The following ABTB2 variants were observed in gnomAD, a reference collection of about 807,000 sequenced individuals.
ABTB2 encodes the protein ankyrin repeat and BTB/POZ domain-containing protein 2.
In ABTB2, 56 loss-of-function variants were observed where a neutral mutation model predicts 104.1. That is an observed-to-expected ratio of 0.54 (90% CI 0.43 to 0.67). The LOEUF (loss-of-function observed/expected upper bound fraction) is 0.67. Ranked by LOEUF, ABTB2 falls within the 30% of genes least tolerant of loss-of-function variation. ABTB2 has a pLI of 0.00. For missense variants in ABTB2, 1,279 were observed against 1,407.7 expected (o/e 0.91, Z 1.46); for synonymous variants, 606 against 608.2 (o/e 1.00, Z 0.05).
intron 1 of ABTB2, among the ~76,000 whole-genome samples, chr11:34,278,134 C>T (rs567132321): frequency 1.3e-5 from 2 of 151,784 alleles, no homozygotes; most frequent in Non-Finnish European, 2.9e-5. Flanking sequence ...TCACATATCA[C>T]TTGTTATAAA....
intron 1 of ABTB2, among the ~76,000 whole-genome samples, chr11:34,238,277 T>C (rs987512443): frequency 2.6e-5 from 4 of 152,138 alleles, no homozygotes; most frequent in Admixed American, 2.0e-4. Context: ...TCAGGGCTTT[T>C]CCCAAATCTC....
intron 14 of ABTB2, among the ~76,000 whole-genome samples, chr11:34,155,341 C>T (rs762408524): frequency 1.3e-5 from 2 of 152,196 alleles, no homozygotes; most frequent in African/African-American, 2.4e-5. Flanking sequence ...AAAAAGAAAG[C>T]GCAGAGCCCA....
chr11:34,176,446 T>C (rs751797534), intron 3 of ABTB2, among the ~76,000 whole-genome samples: 14 of 152,184 alleles, frequency 9.2e-5, no homozygotes, highest in African/African-American at 2.2e-4. Flanking sequence ...CTCTGAAATA[T>C]GACCAGCCTG....
chr11:34,316,633 A>C (rs11032612), intron 1 of ABTB2, among the ~76,000 whole-genome samples: 13,950 of 152,256 alleles, frequency 0.092, 676 homozygotes, highest in East Asian at 0.16. Flanking sequence ...TGCTGTTGCC[A>C]CTGGTGCTGC....
Position 34,173,312 on chromosome 11 carries a change from G to GA in ABTB2, c.1245-6_1245-5insT. The GA allele has an allele frequency of 6.9e-6, 11 of 1,586,902 alleles. No homozygotes were observed. The highest frequency in any genetic ancestry group is 9.4e-6 in the Non-Finnish European group (11 of 1,166,044). ...GGCGGCAGCAGCATGAAGGGCCTGTGGGGCAGCAGAGAGAGGGTCAGGCCT... is the reference window on the plus strand; with the variant it reads ...GGCGGCAGCAGCATGAAGGGCCTGTGAGGGCAGCAGAGAGAGGGTCAGGCCT... On this transcript the variant is annotated splice_polypyrimidine_tract_variant and splice_region_variant and intron_variant, in intron 3 of 16. Coordinates refer to ENST00000435224, the MANE Select transcript of ABTB2 (RefSeq NM_145804.3).
At chr11:34,321,986 G>A (rs1010288419) in intron 1 of ABTB2, among the ~76,000 whole-genome samples, 5 of 152,108 alleles carry the variant, frequency 3.3e-5, no homozygotes, top group African/African-American at 7.2e-5. Flanking sequence ...TTCTGACACC[G>A]AAAGAGCCAC....
intron 3 of ABTB2, among the ~76,000 whole-genome samples, chr11:34,190,252 C>A: frequency 1.4e-5 from 2 of 138,830 alleles, no homozygotes; most frequent in African/African-American, 5.4e-5. Context: ...CCCTGCCCCA[C>A]CCCTGCCCCG....
At chr11:34,173,755 C>T (rs1224577456) in intron 3 of ABTB2, among the ~76,000 whole-genome samples, 2 of 152,114 alleles carry the variant, frequency 1.3e-5, no homozygotes, top group Non-Finnish European at 2.9e-5. Flanking sequence ...AGGGGAGAGG[C>T]TGCACAGCTA....
In ABTB2 at chr11:34,191,015, A is replaced by C. The variant is rs558736640; in HGVS notation, c.1244+6310T>G. On this transcript the variant is annotated intron_variant, in intron 3 of 16. Coordinates refer to ENST00000435224, the MANE Select transcript of ABTB2 (RefSeq NM_145804.3). ...CTGATGAGGAAACTGAGGCCCAGGA[A>C]GATGAGTTGACATGGTCATACTCCT... Among the ~76,000 whole-genome samples the C allele has an allele frequency of 2.0e-5, 3 of 152,258 alleles. No individual in the cohort carries two copies. The South Asian group carries it at 6.2e-4, about 32-fold the overall frequency.
intron 14 of ABTB2, among the ~76,000 whole-genome samples, chr11:34,156,898 C>G (rs1852636057): frequency 6.6e-6 from 1 of 152,180 alleles, no homozygotes; most frequent in Non-Finnish European, 1.5e-5. Flanking sequence ...ATATTAAAAT[C>G]AATTTCACCT....
chr11:34,326,778 T>C lies in ABTB2; in HGVS notation c.883+29923A>G, dbSNP rs374584490. Among the ~76,000 whole-genome samples the C allele has an allele frequency of 7.2e-5, 11 of 152,126 alleles. No individual in the cohort carries two copies. In the East Asian group the frequency reaches 1.7e-3, roughly 24 times the overall value. On this transcript the variant is annotated intron_variant, in intron 1 of 16. Coordinates refer to ENST00000435224, the MANE Select transcript of ABTB2 (RefSeq NM_145804.3). ...AGATTAAATGTAAATGTTCTAAACA[T>C]ATCAGTTAGGGCTGGGTGCGTTGTC...
intron 1 of ABTB2, 71 bp from the exon 2 acceptor site, chr11:34,204,761 AG>A: frequency 2.0e-6 from 3 of 1,525,054 alleles, no homozygotes; most frequent in Non-Finnish European, 2.7e-6. Context: ...AGCCTGCTGC[AG>A]GCAGGGCTCA....
chr11:34,351,520 C>A (rs1470172461), intron 1 of ABTB2, among the ~76,000 whole-genome samples: 2 of 152,112 alleles, frequency 1.3e-5, no homozygotes, highest in Admixed American at 6.5e-5. Context: ...GCAGGGTACC[C>A]AAAGGTTGGA....
intron 1 of ABTB2, among the ~76,000 whole-genome samples, chr11:34,284,966 C>T (rs1463990166): frequency 6.6e-6 from 1 of 152,236 alleles, no homozygotes; most frequent in Non-Finnish European, 1.5e-5. Context: ...CAATCAGCTG[C>T]CAGCTCCGCT....
chr11:34,322,091 A>G (rs1855012088), intron 1 of ABTB2, among the ~76,000 whole-genome samples: 1 of 152,244 alleles, frequency 6.6e-6, no homozygotes, highest in Non-Finnish European at 1.5e-5. Flanking sequence ...ACAGCCCTTC[A>G]GGGCTTCTAA....
chr11:34,168,559 G>A (rs1038054275), intron 5 of ABTB2, among the ~76,000 whole-genome samples: 3 of 152,266 alleles, frequency 2.0e-5, no homozygotes, highest in African/African-American at 2.4e-5. Context: ...CTCCATCATC[G>A]TAATATTCCC....
intron 1 of ABTB2, among the ~76,000 whole-genome samples, chr11:34,341,562 C>A (rs183431298): frequency 2.0e-5 from 3 of 152,100 alleles, no homozygotes; most frequent in Admixed American, 2.0e-4. Flanking sequence ...CCACATATGA[C>A]GAGGGAGCAC....
chr11:34,331,345 A>T lies in ABTB2; in HGVS notation c.883+25356T>A, dbSNP rs143692114. Among the ~76,000 whole-genome samples, 316 of 152,358 alleles carry T rather than the reference A, an allele frequency of 2.1e-3. 2 individuals carry two copies. Among genetic ancestry groups the T allele is most frequent in the African/African-American group, 7.0e-3 (292 of 41,578 alleles). Reference sequence around the variant, plus strand: ...TTGAAAAATCAGGACCATAAAACGCAAGGAGTAAGGAGTTGTGGAAAAACA... The same window carrying T: ...TTGAAAAATCAGGACCATAAAACGCTAGGAGTAAGGAGTTGTGGAAAAACA... On this transcript the variant is annotated intron_variant, in intron 1 of 16. Coordinates refer to ENST00000435224, the MANE Select transcript of ABTB2 (RefSeq NM_145804.3).
chr11:34,181,992 C>G (rs1853033887), intron 3 of ABTB2, among the ~76,000 whole-genome samples: 1 of 152,246 alleles, frequency 6.6e-6, no homozygotes, highest in South Asian at 2.1e-4. Context: ...CACACTGCTC[C>G]CATGCTCCTC....
Sources: gnomAD v4.1 joint callset for allele counts (sites outside exome capture counted in the v4.1 genomes callset) on GRCh38, gnomAD v4.1.1 for gene constraint, MANE v1.5 for transcripts, NCBI Gene and HGNC (gene_info 2026-07-23, HGNC 2026-07-21) for gene names.